Variants in NAALADL2 observed in about 807,000 individuals in gnomAD.
NAALADL2 encodes the protein inactive N-acetylated-alpha-linked acidic dipeptidase-like protein 2.
NAALADL2 carries 76 observed loss-of-function variants against 87.2 expected under a neutral mutation model. That is an observed-to-expected ratio of 0.87 (90% CI 0.72 to 1.05). The LOEUF is 1.05. Ranked by LOEUF, NAALADL2 falls within the 50% of genes least tolerant of loss-of-function variation. The probability of loss-of-function intolerance (pLI) is 0.00; values close to 1 mark genes in which losing one functional copy is unlikely to be tolerated. For missense variants in NAALADL2, 1,089 were observed against 945.8 expected (o/e 1.15, Z -1.99); for synonymous variants, 354 against 331.0 (o/e 1.07, Z -0.75).
rs76982796 is a variant in NAALADL2 at position 175,713,153 on chromosome 3, T to C, written c.1897-24153T>C. Among the ~76,000 whole-genome samples the C allele has an allele frequency of 5.9e-3, 892 of 152,216 alleles. 25 individuals are homozygous for C. Among genetic ancestry groups the C allele is most frequent in the Admixed American group, 0.041 (628 of 15,250 alleles). On this transcript the variant is annotated intron_variant, in intron 11 of 13. Transcript: ENST00000454872. ...ATATAAAAACTCTGAATTAGTAGAT[T>C]TTCCTGCAAAGTGGTAATAACAGGG... is the stretch of plus-strand genomic sequence containing the variant.
chr3:174,453,022 A>G (rs1715587682), intron 1 of NAALADL2, among the ~76,000 whole-genome samples: 1 of 152,216 alleles, frequency 6.6e-6, no homozygotes. Flanking sequence ...CTAATCCAAG[A>G]AAGCTAAGAA....
intron 2 of NAALADL2, among the ~76,000 whole-genome samples, chr3:175,165,015 G>A (rs565201708): frequency 8.5e-5 from 13 of 152,232 alleles, no homozygotes; most frequent in African/African-American, 2.6e-4. Flanking sequence ...ACTGCACACC[G>A]CTCTGGGCCA....
At chr3:175,110,787 T>C (rs562593390) in intron 2 of NAALADL2, among the ~76,000 whole-genome samples, 53 of 151,944 alleles carry the variant, frequency 3.5e-4, no homozygotes, top group Admixed American at 8.6e-4. Flanking sequence ...AATTTGCTGA[T>C]TGGTTCAAGA....
intron 2 of NAALADL2, among the ~76,000 whole-genome samples, chr3:174,653,653 T>A (rs565810127): frequency 1.6e-4 from 25 of 152,248 alleles, no homozygotes; most frequent in African/African-American, 6.0e-4. Context: ...AATTCTTGAA[T>A]TAATAATAGG....
chr3:174,501,034 A>AATTCT (rs1718846019), intron 1 of NAALADL2, among the ~76,000 whole-genome samples: 1 of 144,156 alleles, frequency 6.9e-6, no homozygotes, highest in Non-Finnish European at 1.5e-5. Flanking sequence ...TATTGGATAA[A>AATTCT]ATTTTAATTT....
At chr3:174,921,634 T>A (rs1410009130) in intron 1 of NAALADL2, among the ~76,000 whole-genome samples, 1 of 151,806 alleles carries the variant, frequency 6.6e-6, no homozygotes, top group Non-Finnish European at 1.5e-5. Context: ...ACCCCATTGC[T>A]ACTAAAAATA....
At chr3:174,550,289 G>A (rs1274903036) in intron 1 of NAALADL2, among the ~76,000 whole-genome samples, 2 of 151,998 alleles carry the variant, frequency 1.3e-5, no homozygotes, top group Non-Finnish European at 2.9e-5. Flanking sequence ...TTAGAGGTGT[G>A]TAACTGGGTT....
chr3:175,351,377 A>G (rs1549107), intron 5 of NAALADL2, among the ~76,000 whole-genome samples: 74,265 of 151,790 alleles, frequency 0.49, 18,320 homozygotes, highest in Non-Finnish European at 0.51. Flanking sequence ...TACATGAAAT[A>G]CTTTATATAT....
intron 9 of NAALADL2, among the ~76,000 whole-genome samples, chr3:175,514,195 A>G (rs1368031920): frequency 3.9e-5 from 6 of 152,186 alleles, no homozygotes; most frequent in African/African-American, 1.4e-4. Flanking sequence ...TAATTTCTTA[A>G]TAAACAGTTG....
intron 1 of NAALADL2, among the ~76,000 whole-genome samples, chr3:174,873,557 C>G (rs1236797329): frequency 6.6e-6 from 1 of 151,912 alleles, no homozygotes; most frequent in African/African-American, 2.4e-5. Context: ...CTGGCTGTTT[C>G]TTTTTATAAA....
At chr3:175,389,487 G>A (rs368685717) in intron 5 of NAALADL2, among the ~76,000 whole-genome samples, 1 of 152,120 alleles carries the variant, frequency 6.6e-6, no homozygotes, top group Non-Finnish European at 1.5e-5. Context: ...TAATTCAAGT[G>A]GAGATTTTTT....
intron 9 of NAALADL2, among the ~76,000 whole-genome samples, chr3:175,533,964 T>C (rs938596132): frequency 4.6e-5 from 7 of 151,692 alleles, no homozygotes; most frequent in Non-Finnish European, 8.8e-5. Flanking sequence ...AAAGGTATTA[T>C]GTATAGAGTC....
At chr3:175,715,050 C>A (rs964362361) in intron 11 of NAALADL2, among the ~76,000 whole-genome samples, 5 of 152,118 alleles carry the variant, frequency 3.3e-5, no homozygotes. Context: ...TGAGAAAGAT[C>A]AGATTTTCCC....
chr3:174,738,810 A>AT (rs1733475853), intron 3 of NAALADL2, among the ~76,000 whole-genome samples: 1 of 152,158 alleles, frequency 6.6e-6, no homozygotes, highest in South Asian at 2.1e-4. Context: ...AAATTAAACC[A>AT]TTTTTGGTTT....
intron 3 of NAALADL2, among the ~76,000 whole-genome samples, chr3:175,249,584 T>C (rs1748634288): frequency 6.6e-6 from 1 of 152,208 alleles, no homozygotes; most frequent in Non-Finnish European, 1.5e-5. Flanking sequence ...TCTCAATGAA[T>C]ATAGAGTACT....
intron 1 of NAALADL2, among the ~76,000 whole-genome samples, chr3:174,507,555 A>G (rs12632844): frequency 0.56 from 84,773 of 150,778 alleles, 23,984 homozygotes; most frequent in South Asian, 0.64. Flanking sequence ...TTTTTCTTAC[A>G]TCTCTGTGCA....
At chr3:174,771,027 A>G (rs1714486583) in intron 3 of NAALADL2, among the ~76,000 whole-genome samples, 1 of 152,162 alleles carries the variant, frequency 6.6e-6, no homozygotes, top group African/African-American at 2.4e-5. Context: ...AGCTTTGTCC[A>G]AACTAGAATT....
chr3:175,661,809 A>C (rs1251472395), intron 11 of NAALADL2, among the ~76,000 whole-genome samples: 1 of 151,826 alleles, frequency 6.6e-6, no homozygotes, highest in Non-Finnish European at 1.5e-5. Context: ...GTGTAAAGTA[A>C]GAGTTTATAT....
At chr3:175,666,088 T>G (rs1482891809) in intron 11 of NAALADL2, among the ~76,000 whole-genome samples, 1 of 152,112 alleles carries the variant, frequency 6.6e-6, no homozygotes, top group Non-Finnish European at 1.5e-5. Context: ...CTCATGAAAA[T>G]TCCAAGAATA....
Sources: allele counts gnomAD v4.1 joint callset (sites outside exome capture counted in the v4.1 genomes callset), GRCh38; gene constraint gnomAD v4.1.1; transcripts MANE v1.5; gene names NCBI Gene and HGNC (gene_info 2026-07-23, HGNC 2026-07-21).